Variants in POF1B observed in about 807,000 individuals in gnomAD.
POF1B encodes the protein POF1B actin binding protein, also known as protein POF1B.
In POF1B, 53 loss-of-function variants were observed where a neutral mutation model predicts 55.3. That is an observed-to-expected ratio of 0.96 (90% CI 0.77 to 1.20). POF1B has a LOEUF of 1.20. POF1B is among the 50% of genes most tolerant of loss of function. The probability of loss-of-function intolerance (pLI) is 0.00; values close to 1 mark genes in which losing one functional copy is unlikely to be tolerated. For missense variants in POF1B, 478 were observed against 420.5 expected, an observed-to-expected ratio of 1.14 and a Z score of -1.20; for synonymous variants, 188 against 148.3, an observed-to-expected ratio of 1.27 and a Z score of -1.95.
In POF1B at chrX:85,379,477, G is replaced by T. The variant is rs766992088; in HGVS notation, c.-23C>A. The T allele has an allele frequency of 8.3e-7, 1 of 1,201,474 alleles. No individual in the cohort carries two copies. Among genetic ancestry groups the T allele is most frequent in the East Asian group, 3.0e-5 (1 of 33,625 alleles). Reference sequence around the variant, plus strand: ...CATCTTCTTCCAGTGGTCAGCAAGGGACCTCCCAGATGTTCTACCTAAGGA... The same window carrying T: ...CATCTTCTTCCAGTGGTCAGCAAGGTACCTCCCAGATGTTCTACCTAAGGA... On this transcript the variant is annotated 5_prime_UTR_variant, in exon 2 of 17. Transcript: ENST00000262753.
At chrX:85,350,163 C>G (rs1471123256) in intron 5 of POF1B, among the ~76,000 whole-genome samples, 1 of 109,933 alleles carries the variant, frequency 9.1e-6, no homozygotes, top group African/African-American at 3.3e-5. Context: ...AAGTATATCT[C>G]CTAAAGCTAT....
chrX:85,352,848 T>A lies in POF1B; in HGVS notation c.439-1397A>T, dbSNP rs756892019. ...TCAAGATTCATCAAACTATGGTAGA[T>A]AGCCTGTTTTTATTCTGTCCTCAAG... On this transcript the variant is annotated intron_variant, in intron 4 of 16. Coordinates refer to ENST00000262753, the MANE Select transcript of POF1B (RefSeq NM_024921.4). 3.6e-5 allele frequency among the ~76,000 whole-genome samples: 4 copies of A among 111,360 alleles called. No homozygotes were observed. The South Asian group carries it at 1.5e-3, about 42-fold the overall frequency.
At chrX:85,338,982 C>T (rs1933122680) in intron 6 of POF1B, among the ~76,000 whole-genome samples, 1 of 109,601 alleles carries the variant, frequency 9.1e-6, no homozygotes, top group African/African-American at 3.4e-5. Context: ...AAAGTAGTAG[C>T]AAAAGTCAAG....
chrX:85,306,124 A>G (rs1488615728), intron 12 of POF1B, 57 bp downstream of exon 12: 4 of 1,067,871 alleles, frequency 3.7e-6, no homozygotes, highest in Non-Finnish European at 5.1e-6. Flanking sequence ...TCTAAATGCT[A>G]GGATTACAAT....
rs767080147 is a variant in POF1B at position 85,305,920 on chromosome X, G to A, written c.1318-10C>T. 1.0e-5 allele frequency: 12 copies of A among 1,201,322 alleles called. No individual in the cohort carries two copies. In the South Asian group the frequency reaches 1.8e-4, roughly 18 times the overall value. On this transcript the variant is annotated splice_polypyrimidine_tract_variant and intron_variant, in intron 12 of 16. Coordinates refer to ENST00000262753, the MANE Select transcript of POF1B (RefSeq NM_024921.4). ...TGCAAGTCTCAGAAACCTACAGAAGGCAAAATAACTATCTGTAATTGGATT... is the reference window on the plus strand; with the variant it reads ...TGCAAGTCTCAGAAACCTACAGAAGACAAAATAACTATCTGTAATTGGATT...
rs753123775 is a variant in POF1B, at chrX:85,379,502, A to C, written c.-41-7T>G. 1 of 1,165,436 alleles carries C rather than the reference A, an allele frequency of 8.6e-7. No individual in the cohort carries two copies. Among genetic ancestry groups the C allele is most frequent in the Non-Finnish European group, 1.2e-6 (1 of 868,023 alleles). On this transcript the variant is annotated splice_region_variant and splice_polypyrimidine_tract_variant and intron_variant, in intron 1 of 16. Coordinates refer to ENST00000262753, the MANE Select transcript of POF1B (RefSeq NM_024921.4). ...GACCTCCCAGATGTTCTACCTAAGG[A>C]ACAAACAGAGAAATATAATGGAAAA...
intron 15 of POF1B, among the ~76,000 whole-genome samples, chrX:85,293,228 T>G (rs1932232341): frequency 8.9e-6 from 1 of 112,172 alleles, no homozygotes; most frequent in Non-Finnish European, 1.9e-5. Flanking sequence ...TATGCGTATG[T>G]TCACTGCAGC....
intron 3 of POF1B, among the ~76,000 whole-genome samples, chrX:85,360,828 C>T (rs1345641953): frequency 1.8e-5 from 2 of 109,459 alleles, no homozygotes; most frequent in African/African-American, 6.7e-5. Flanking sequence ...TTTACACTCC[C>T]ACCAACAATG....
chrX:85,345,595 G>T (rs1193030758), intron 6 of POF1B, among the ~76,000 whole-genome samples: 1 of 110,914 alleles, frequency 9.0e-6, no homozygotes, highest in Non-Finnish European at 1.9e-5. Flanking sequence ...GCCCATTTTA[G>T]AACTGAAGAT....
chrX:85,365,527 T>C (rs1392714579), intron 3 of POF1B, among the ~76,000 whole-genome samples: 1 of 111,836 alleles, frequency 8.9e-6, no homozygotes, highest in African/African-American at 3.3e-5. Flanking sequence ...TAGTGAGGTA[T>C]TGTTGTTGAA....
At chrX:85,323,216 T>C (rs1368492384) in intron 7 of POF1B, among the ~76,000 whole-genome samples, 3 of 111,043 alleles carry the variant, frequency 2.7e-5, no homozygotes, top group Non-Finnish European at 3.8e-5. Context: ...CAATGATAGA[T>C]TGGATTAAGA....
intron 15 of POF1B, among the ~76,000 whole-genome samples, chrX:85,301,251 G>A (rs760750662): frequency 9.0e-6 from 1 of 111,590 alleles, no homozygotes; most frequent in South Asian, 3.7e-4. Flanking sequence ...CTTGAAAGCA[G>A]TAAAAAAGAA....
At chrX:85,359,817 A>T (rs1933570735) in intron 3 of POF1B, among the ~76,000 whole-genome samples, 187 bp from the exon 4 acceptor site, 1 of 111,228 alleles carries the variant, frequency 9.0e-6, no homozygotes, top group Non-Finnish European at 1.9e-5. Flanking sequence ...TCTGTGCCCA[A>T]CATTTTACTG....
At chrX:85,347,389 G>T (rs760920333) in intron 5 of POF1B, among the ~76,000 whole-genome samples, 47 of 110,974 alleles carry the variant, frequency 4.2e-4, no homozygotes, top group African/African-American at 1.5e-3. Context: ...AAGTACAAAA[G>T]AATGAAATAG....
intron 15 of POF1B, among the ~76,000 whole-genome samples, chrX:85,295,027 G>T (rs970346284): frequency 1.8e-5 from 2 of 111,632 alleles, no homozygotes; most frequent in Non-Finnish European, 3.8e-5. Flanking sequence ...TTTCATAATA[G>T]TCTGAGGACC....
At chrX:85,302,092 T>C (rs1603030779) in intron 15 of POF1B, among the ~76,000 whole-genome samples, 1 of 111,433 alleles carries the variant, frequency 9.0e-6, no homozygotes, top group East Asian at 2.8e-4. Flanking sequence ...AGAAAAAATA[T>C]AGATGAATTG....
rs189197986 is a variant in POF1B at position 85,325,503 on chromosome X, C to A, written c.854+5446G>T. On this transcript the variant is annotated intron_variant, in intron 7 of 16. Coordinates refer to ENST00000262753, the MANE Select transcript of POF1B (RefSeq NM_024921.4). ...CAATTACATTATGAAATTCTTATAG[C>A]GTGTTTTTCAGCTCTATTAAATCAG... Among the ~76,000 whole-genome samples the A allele has an allele frequency of 5.6e-4, 63 of 112,040 alleles. No individual in the cohort carries two copies. In the South Asian group the frequency reaches 6.3e-3, roughly 11 times the overall value.
chrX:85,344,026 A>C (rs755413173), intron 6 of POF1B, among the ~76,000 whole-genome samples: 5 of 111,638 alleles, frequency 4.5e-5, no homozygotes, highest in African/African-American at 1.6e-4. Flanking sequence ...CATTGTAAGA[A>C]GAAAATTAAT....
intron 9 of POF1B, among the ~76,000 whole-genome samples, chrX:85,312,582 G>A (rs1932731693): frequency 9.0e-6 from 1 of 111,482 alleles, no homozygotes; most frequent in Non-Finnish European, 1.9e-5. Flanking sequence ...CTGAAGCCTT[G>A]TAGTATAGTT....
Sources: gnomAD v4.1 joint callset for allele counts (sites outside exome capture counted in the v4.1 genomes callset) on GRCh38, gnomAD v4.1.1 for gene constraint, MANE v1.5 for transcripts, NCBI Gene and HGNC (gene_info 2026-07-23, HGNC 2026-07-21) for gene names.